LEMD3: variants seen among roughly 807,000 people sequenced by gnomAD.
LEMD3 encodes the protein inner nuclear membrane protein Man1.
LEMD3 carries 33 observed loss-of-function variants against 95.2 expected under a neutral mutation model. The ratio of observed to expected loss-of-function variants is 0.35; its 90% CI spans 0.26 to 0.46. The LOEUF is 0.46. Among genes scored for constraint, LEMD3 ranks in the 20% least tolerant of loss-of-function variants. The pLI is 1.00. For synonymous variants in LEMD3, 525 were observed against 474.6 expected (o/e 1.11, Z -1.38); for missense variants, 1,210 against 1,192.8 (o/e 1.01, Z -0.21).
At chr12:65,212,446 A>T (rs1174049838) in intron 2 of LEMD3, among the ~76,000 whole-genome samples, 2 of 151,582 alleles carry the variant, frequency 1.3e-5, no homozygotes, top group Non-Finnish European at 2.9e-5. Context: ...CTGAGGCAGG[A>T]GAATGGCCTG....
rs539898365 is a variant in LEMD3, at chr12:65,210,793, A to T, written c.1523-133A>T. ...TACTTCCCTAACCTTTATTATCACC[A>T]GTTTGTTTACATTTGGTTCACATAT... On this transcript the variant is annotated intron_variant, in intron 1 of 12. Coordinates refer to ENST00000308330, the MANE Select transcript of LEMD3 (RefSeq NM_014319.5). 7.0e-5 allele frequency: 54 copies of T among 773,746 alleles called. No homozygotes were observed. The African/African-American group carries it at 8.8e-4, about 13-fold the overall frequency. The allele number at this position is 773,746 out of a possible 1,614,324, so 47.9% of individuals were successfully genotyped here.
intron 2 of LEMD3, among the ~76,000 whole-genome samples, chr12:65,213,111 TA>T (rs1869993710): frequency 6.6e-6 from 1 of 151,532 alleles, no homozygotes; most frequent in Non-Finnish European, 1.5e-5. Context: ...GATAGATAGA[TA>T]GATAAAGTAA....
At chr12:65,201,940 T>G (rs925234019) in intron 1 of LEMD3, among the ~76,000 whole-genome samples, 2 of 152,028 alleles carry the variant, frequency 1.3e-5, no homozygotes, top group Admixed American at 1.3e-4. Context: ...TATTCTTTAT[T>G]AAGTTGAGGA....
chr12:65,177,386 TAGG>T (rs1449219160), intron 1 of LEMD3, among the ~76,000 whole-genome samples: 1 of 151,630 alleles, frequency 6.6e-6, no homozygotes, highest in African/African-American at 2.4e-5. Context: ...AAGAGACAGA[TAGG>T]AGTCAAAGAT....
intron 4 of LEMD3, among the ~76,000 whole-genome samples, chr12:65,219,031 A>T (rs550226407): frequency 1.3e-5 from 2 of 152,104 alleles, no homozygotes; most frequent in Non-Finnish European, 2.9e-5. Flanking sequence ...GCCTCAAGTG[A>T]TCTGCATGCC....
In LEMD3 at chr12:65,247,183, G is replaced by C. The variant is rs964497919; in HGVS notation, c.*858G>C. The C allele has an allele frequency of 6.6e-6, 1 of 152,516 alleles. No individual in the cohort carries two copies. The highest frequency in any genetic ancestry group is 1.5e-5 in the Non-Finnish European group (1 of 67,976). The allele number at this position is 152,516 out of a possible 1,614,324, so 9.4% of individuals were successfully genotyped here. On this transcript the variant is annotated 3_prime_UTR_variant, in exon 13 of 13. Transcript: ENST00000308330. Reference sequence around the variant, plus strand: ...TATAAAAATGTCTGAGTATGATTTTGTGTGAAAGTTCTGATACCAGTTGTA... The same window carrying C: ...TATAAAAATGTCTGAGTATGATTTTCTGTGAAAGTTCTGATACCAGTTGTA...
chr12:65,200,455 G>C (rs1869565218), intron 1 of LEMD3, among the ~76,000 whole-genome samples: 2 of 152,200 alleles, frequency 1.3e-5, no homozygotes, highest in East Asian at 3.9e-4. Flanking sequence ...CAAGAACCAG[G>C]ATGACTCATA....
At position 65,171,052 on chromosome 12, in the gene LEMD3, C is replaced by T. The variant is rs1868533267; in HGVS notation, c.1456C>T (p.Leu486=). The change falls in exon 1 of 13, where the codon CTA becomes TTA. Residue 486 remains leucine, a synonymous_variant. Coordinates refer to ENST00000308330, the MANE Select transcript of LEMD3 (RefSeq NM_014319.5). Reference sequence around the variant, plus strand: ...CTTAACTGCTGCCTGCTTATTTTTCCTAATACTGGGACTGACTTACCTAGG... The same window carrying T: ...CTTAACTGCTGCCTGCTTATTTTTCTTAATACTGGGACTGACTTACCTAGG... ...FLLTAACLFF[L]ILGLTYLGMR... is the part of the protein sequence containing the mutation. The T allele has an allele frequency of 1.2e-6, 2 of 1,614,002 alleles. No individual in the cohort carries two copies. Among genetic ancestry groups the T allele is most frequent in the African/African-American group, 2.7e-5 (2 of 74,924 alleles).
Position 65,172,746 on chromosome 12 carries a change from A to G in LEMD3, c.1522+1628A>G, listed in dbSNP as rs1426827690. On this transcript the variant is annotated intron_variant, in intron 1 of 12. Transcript: ENST00000308330. ...TTTTCTTTTCTTTTTTTTTTTTTTT[A>G]GACAGAGTCTAGCTCTGTCGCTAGG... Among the ~76,000 whole-genome samples the G allele has an allele frequency of 3.2e-5, 4 of 124,812 alleles. No individual in the cohort carries two copies. The East Asian group carries it at 1.1e-3, about 35-fold the overall frequency. 81.9% of individuals were successfully genotyped at this position (124,812 alleles called of 152,430 possible).
chr12:65,213,099 T>C (rs1355057436), intron 2 of LEMD3, among the ~76,000 whole-genome samples: 1 of 152,114 alleles, frequency 6.6e-6, no homozygotes, highest in East Asian at 1.9e-4. Flanking sequence ...GATAGATAGA[T>C]AGATAGATAG....
chr12:65,219,878 ACTTC>A (rs1455095483), intron 4 of LEMD3, among the ~76,000 whole-genome samples: 1 of 152,000 alleles, frequency 6.6e-6, no homozygotes. Context: ...ACATGACAGT[ACTTC>A]CTTCATTTTT....
intron 1 of LEMD3, among the ~76,000 whole-genome samples, chr12:65,189,161 T>C (rs1003233244): frequency 2.0e-5 from 3 of 152,178 alleles, no homozygotes; most frequent in Admixed American, 6.6e-5. Flanking sequence ...ATATGGTCTC[T>C]CTCAAAATAT....
intron 1 of LEMD3, among the ~76,000 whole-genome samples, chr12:65,196,631 A>G (rs1183299958): frequency 3.3e-5 from 5 of 152,100 alleles, no homozygotes; most frequent in Non-Finnish European, 7.4e-5. Context: ...GCCTCCTGCT[A>G]GACCCAATAT....
At chr12:65,178,448 T>C (rs1197278935) in intron 1 of LEMD3, among the ~76,000 whole-genome samples, 2 of 152,216 alleles carry the variant, frequency 1.3e-5, no homozygotes, top group Non-Finnish European at 2.9e-5. Flanking sequence ...TCAGAGAACC[T>C]GGGCTTCAAT....
intron 1 of LEMD3, among the ~76,000 whole-genome samples, chr12:65,173,719 CATAGT>C (rs1480463131): frequency 6.6e-6 from 1 of 152,120 alleles, no homozygotes; most frequent in African/African-American, 2.4e-5. Flanking sequence ...CTATAAATGA[CATAGT>C]ATAGTGCATT....
In LEMD3 at chr12:65,169,890, C is replaced by T. The variant is rs1198214216; in HGVS notation, c.294C>T (p.Leu98=). The change falls in exon 1 of 13, where the codon CTC becomes CTT. Residue 98 remains leucine (L), a synonymous_variant. Transcript: ENST00000308330. ...GMGVRPVSGD[L]SYLRTPGGLC... is the part of the protein sequence containing the mutation. The stretch of plus-strand genomic sequence containing the variant: ...GGGTCCGGCCGGTCTCGGGCGACCT[C>T]TCCTACTTACGGACTCCTGGGGGCC... The T allele has an allele frequency of 4.8e-6, 7 of 1,452,052 alleles. No homozygotes were observed. The highest frequency in any genetic ancestry group is 6.3e-6 in the Non-Finnish European group (7 of 1,102,378). The allele number at this position is 1,452,052 out of a possible 1,614,324, so 89.9% of individuals were successfully genotyped here.
In LEMD3 at chr12:65,214,135, G is replaced by A. The variant is rs554469307; in HGVS notation, c.1561-1842G>A. Among the ~76,000 whole-genome samples, 24 of 151,942 alleles carry A rather than the reference G, an allele frequency of 1.6e-4. No homozygotes were observed. The East Asian group carries it at 3.5e-3, about 22-fold the overall frequency. On this transcript the variant is annotated intron_variant, in intron 2 of 12. Transcript: ENST00000308330. ...GCTGGAGTACAGTGGCATGACCTCC[G>A]CTCACTGCAACCTCCACCTCCTGGG...
At chr12:65,190,832 G>C (rs1347347182) in intron 1 of LEMD3, among the ~76,000 whole-genome samples, 1 of 152,078 alleles carries the variant, frequency 6.6e-6, no homozygotes, top group African/African-American at 2.4e-5. Flanking sequence ...ACTTGGTTAC[G>C]GTTTCTGAAT....
chr12:65,189,647 C>G (rs990592672), intron 1 of LEMD3, among the ~76,000 whole-genome samples: 1 of 152,208 alleles, frequency 6.6e-6, no homozygotes, highest in Non-Finnish European at 1.5e-5. Context: ...TAATTTTTCT[C>G]TCTACAGCTG....
Sources: allele counts gnomAD v4.1 joint callset (sites outside exome capture counted in the v4.1 genomes callset), GRCh38; gene constraint gnomAD v4.1.1; transcripts MANE v1.5; gene names NCBI Gene and HGNC (gene_info 2026-07-23, HGNC 2026-07-21).